Variants in RNF150 observed in about 807,000 individuals in gnomAD.
RNF150 encodes the protein ring finger protein 150.
A neutral mutation model predicts 39.3 loss-of-function variants in RNF150; 24 were observed. The ratio of observed to expected loss-of-function variants is 0.61; its 90% CI spans 0.44 to 0.86. RNF150 has a LOEUF of 0.86. Among genes scored for constraint, RNF150 ranks in the 40% least tolerant of loss-of-function variants. The pLI is 0.00. For missense variants in RNF150, 502 were observed against 587.8 expected (o/e 0.85, Z 1.51); for synonymous variants, 255 against 227.3 (o/e 1.12, Z -1.10).
rs1264911377 is a variant in RNF150 at position 140,999,988 on chromosome 4, GAAGAAAA to G, written c.485-32122_485-32116del. Among the ~76,000 whole-genome samples the G allele has an allele frequency of 1.3e-3, 36 of 28,228 alleles. 1 individual carries two copies. Among genetic ancestry groups the G allele is most frequent in the Non-Finnish European group, 2.0e-3 (20 of 9,980 alleles). The allele number at this position is 28,228 out of a possible 152,430, so 18.5% of individuals were successfully genotyped here. The stretch of plus-strand genomic sequence containing the variant: ...GAAGAAGAAGAAGAAAAGAAGAAAA[GAAGAAAA>G]GAAGAAGAAGAAGAAGAAGAAGAAG... On this transcript the variant is annotated intron_variant, in intron 1 of 6. Transcript: ENST00000515673.
At chr4:140,869,534 A>G (rs1241962191) in intron 6 of RNF150, among the ~76,000 whole-genome samples, 2 of 152,214 alleles carry the variant, frequency 1.3e-5, no homozygotes, top group Admixed American at 1.3e-4. Context: ...AGATTAAGAC[A>G]ATCCCTATCC....
intron 1 of RNF150, among the ~76,000 whole-genome samples, chr4:141,187,108 T>C (rs2636762): frequency 0.38 from 57,301 of 152,050 alleles, 13,211 homozygotes; most frequent in Non-Finnish European, 0.5. Context: ...AAATTTGTTA[T>C]TTACCCAAGT....
chr4:141,197,978 G>A (rs1244250675), intron 1 of RNF150, among the ~76,000 whole-genome samples: 2 of 151,636 alleles, frequency 1.3e-5, no homozygotes, highest in African/African-American at 4.8e-5. Flanking sequence ...AATTAACAAG[G>A]CAATTTGATT....
At chr4:141,025,439 A>G (rs1311048744) in intron 1 of RNF150, among the ~76,000 whole-genome samples, 1 of 152,112 alleles carries the variant, frequency 6.6e-6, no homozygotes, top group Non-Finnish European at 1.5e-5. Context: ...AAATAAGAGC[A>G]TTTTCAGTCA....
chr4:140,963,085 G>T (rs928717529), intron 2 of RNF150, among the ~76,000 whole-genome samples: 1 of 151,876 alleles, frequency 6.6e-6, no homozygotes, highest in South Asian at 2.1e-4. Context: ...TGGGATAGTG[G>T]GTAACTTGTC....
At chr4:140,984,823 G>A (rs931172480) in intron 1 of RNF150, among the ~76,000 whole-genome samples, 1 of 152,112 alleles carries the variant, frequency 6.6e-6, no homozygotes, top group East Asian at 1.9e-4. Context: ...CTCCCTCACT[G>A]TGCTAGTGAA....
At chr4:140,952,682 T>A (rs915784393) in intron 2 of RNF150, among the ~76,000 whole-genome samples, 9 of 152,158 alleles carry the variant, frequency 5.9e-5, no homozygotes, top group African/African-American at 9.6e-5. Context: ...GGCTAGGGAA[T>A]TAGAAAGACG....
At chr4:140,930,109 C>T (rs961951399) in intron 4 of RNF150, among the ~76,000 whole-genome samples, 3 of 151,646 alleles carry the variant, frequency 2.0e-5, no homozygotes, top group South Asian at 2.1e-4. Flanking sequence ...TGCAGTGAGC[C>T]GAGATCACAC....
At chr4:141,182,932 A>G (rs1727936822) in intron 1 of RNF150, among the ~76,000 whole-genome samples, 1 of 151,450 alleles carries the variant, frequency 6.6e-6, no homozygotes. Flanking sequence ...TTCAAACTAT[A>G]CTACAAGGCT....
chr4:141,129,272 T>C (rs1345112956), intron 1 of RNF150, among the ~76,000 whole-genome samples: 1 of 152,242 alleles, frequency 6.6e-6, no homozygotes, highest in Non-Finnish European at 1.5e-5. Context: ...CGAAATATTA[T>C]TTGGCAATAA....
chr4:140,911,433 T>C, intron 5 of RNF150, 79 bp from the exon 6 acceptor site: 1 of 1,225,784 alleles, frequency 8.2e-7, no homozygotes, highest in Non-Finnish European at 1.1e-6. Context: ...AAACATTCTG[T>C]CTCCATGAAA....
chr4:141,049,736 G>A (rs1337606485), intron 1 of RNF150, among the ~76,000 whole-genome samples: 1 of 152,056 alleles, frequency 6.6e-6, no homozygotes, highest in Admixed American at 6.6e-5. Flanking sequence ...TTCCACTGTT[G>A]TAAATTCATC....
At chr4:141,174,510 A>G (rs1325532364) in intron 1 of RNF150, among the ~76,000 whole-genome samples, 1 of 152,176 alleles carries the variant, frequency 6.6e-6, no homozygotes, top group African/African-American at 2.4e-5. Context: ...TAATTCTAGA[A>G]TTGCAGCAAA....
At chr4:141,005,314 C>T (rs1392414231) in intron 1 of RNF150, among the ~76,000 whole-genome samples, 2 of 152,118 alleles carry the variant, frequency 1.3e-5, no homozygotes, top group Admixed American at 1.3e-4. Flanking sequence ...TTGAAGCTAT[C>T]ACTTGATGCA....
At chr4:140,873,928 C>G (rs957045382) in intron 6 of RNF150, among the ~76,000 whole-genome samples, 2 of 152,090 alleles carry the variant, frequency 1.3e-5, no homozygotes, top group Non-Finnish European at 2.9e-5. Flanking sequence ...CCTGCCTTGC[C>G]CTGCTGGGAT....
chr4:140,916,761 T>G (rs1219465523), intron 5 of RNF150, among the ~76,000 whole-genome samples: 2 of 151,960 alleles, frequency 1.3e-5, no homozygotes, highest in African/African-American at 4.8e-5. Flanking sequence ...AAAGTTGAAA[T>G]GAAGGAAAAA....
At chr4:140,997,686 G>GC (rs1734426267) in intron 1 of RNF150, among the ~76,000 whole-genome samples, 3 of 48,804 alleles carry the variant, frequency 6.1e-5, no homozygotes, top group Non-Finnish European at 1.5e-4. Context: ...CTGCACTCCA[G>GC]CCTGTGTGTG....
chr4:140,997,709 CA>C (rs1734430625), intron 1 of RNF150, among the ~76,000 whole-genome samples: 2 of 149,672 alleles, frequency 1.3e-5, no homozygotes, highest in African/African-American at 2.5e-5. Flanking sequence ...TATATACACA[CA>C]CATATATGTG....
At chr4:140,958,122 T>C (rs1041772581) in intron 2 of RNF150, among the ~76,000 whole-genome samples, 5 of 152,250 alleles carry the variant, frequency 3.3e-5, no homozygotes, top group African/African-American at 1.2e-4. Context: ...CATTAGGTAC[T>C]AGAAGTAATT....
Sources: gnomAD v4.1 joint callset for allele counts (sites outside exome capture counted in the v4.1 genomes callset) on GRCh38, gnomAD v4.1.1 for gene constraint, MANE v1.5 for transcripts, NCBI Gene and HGNC (gene_info 2026-07-23, HGNC 2026-07-21) for gene names.